Variants in PIAS1 observed in about 807,000 individuals in gnomAD.
The protein encoded by PIAS1 is E3 SUMO-protein ligase PIAS1.
Under a neutral mutation model 71.3 loss-of-function variants are expected in PIAS1, and 6 were observed. The ratio of observed to expected loss-of-function variants is 0.08; its 90% confidence interval spans 0.05 to 0.17. The LOEUF is 0.17. Ranked by LOEUF, PIAS1 falls within the 10% of genes least tolerant of loss-of-function variation. The probability of loss-of-function intolerance (pLI) is 1.00; values close to 1 mark genes in which losing one functional copy is unlikely to be tolerated. For synonymous variants in PIAS1, 303 were observed against 292.9 expected, an observed-to-expected ratio of 1.03 and a Z score of -0.35; for missense variants, 555 against 793.6, an observed-to-expected ratio of 0.70 and a Z score of 3.61.
intron 2 of PIAS1, among the ~76,000 whole-genome samples, chr15:68,093,590 A>G (rs189088883): frequency 7.8e-4 from 119 of 152,336 alleles, no homozygotes; most frequent in African/African-American, 2.8e-3. Context: ...GAATAATTTA[A>G]GTGGTTTATT....
chr15:68,181,484 A>G (rs2093053043), intron 12 of PIAS1, 130 bp downstream of exon 12: 3 of 787,264 alleles, frequency 3.8e-6, no homozygotes. Context: ...CAGGGAACTG[A>G]GAGAAATAAT....
chr15:68,059,984 C>G (rs1185328490), intron 1 of PIAS1, among the ~76,000 whole-genome samples: 1 of 152,104 alleles, frequency 6.6e-6, no homozygotes, highest in South Asian at 2.1e-4. Context: ...TGTTCATTGT[C>G]ATACCTTTAT....
rs549986387 is a variant in PIAS1, at chr15:68,116,762, G to T, written c.470-25184G>T. Among the ~76,000 whole-genome samples, 4 of 151,822 alleles carry T rather than the reference G, an allele frequency of 2.6e-5. No individual in the cohort carries two copies. In the South Asian group the frequency reaches 8.3e-4, roughly 32 times the overall value. On this transcript the variant is annotated intron_variant, in intron 2 of 13. Coordinates refer to ENST00000249636, the MANE Select transcript of PIAS1 (RefSeq NM_016166.3). ...CTGCTTTAGCTGTATCCCACAACTT[G>T]TGATATTTTTTGTTTTCATTTTCAT...
At chr15:68,162,884 C>T in intron 7 of PIAS1, among the ~76,000 whole-genome samples, 1 of 152,152 alleles carries the variant, frequency 6.6e-6, no homozygotes, top group East Asian at 1.9e-4. Flanking sequence ...AAGGGTATCC[C>T]AGCTCAAGGA....
At chr15:68,146,480 A>G (rs2092808969) in intron 5 of PIAS1, 86 bp from the exon 6 acceptor site, 3 of 882,902 alleles carry the variant, frequency 3.4e-6, no homozygotes, top group African/African-American at 3.4e-5. Flanking sequence ...TCTAGTATGC[A>G]GTTTGTAGGG....
At chr15:68,094,970 C>A (rs900217160) in intron 2 of PIAS1, among the ~76,000 whole-genome samples, 3 of 152,096 alleles carry the variant, frequency 2.0e-5, no homozygotes, top group Admixed American at 1.3e-4. Flanking sequence ...CAGAATTCCC[C>A]AAGGCATCCA....
chr15:68,090,806 T>C (rs1169448077), intron 2 of PIAS1, among the ~76,000 whole-genome samples: 1 of 152,152 alleles, frequency 6.6e-6, no homozygotes, highest in African/African-American at 2.4e-5. Flanking sequence ...TAAAAAAAAT[T>C]TTCCCTAATT....
At chr15:68,083,049 G>A (rs16951614) in intron 1 of PIAS1, among the ~76,000 whole-genome samples, 1,621 of 152,240 alleles carry the variant, frequency 0.011, 30 homozygotes, top group African/African-American at 0.035. Context: ...AATTGAGGAC[G>A]TAGAGTCAGC....
intron 6 of PIAS1, among the ~76,000 whole-genome samples, chr15:68,147,057 A>G (rs922781592): frequency 6.6e-6 from 1 of 152,210 alleles, no homozygotes; most frequent in African/African-American, 2.4e-5. Context: ...TGGTATGTCA[A>G]AGAACATTTT....
rs1266233461 is a variant in PIAS1 at position 68,188,656 on chromosome 15, T to C, written c.*821T>C. 3.9e-5 allele frequency: 6 copies of C among 152,246 alleles called. No homozygotes were observed. Among genetic ancestry groups the C allele is most frequent in the African/African-American group, 9.6e-5 (4 of 41,468 alleles). 9.4% of individuals were successfully genotyped at this position (152,246 alleles called of 1,614,324 possible). ...TGTTTTAGAGATATTGGAATAAAGCTGTCTGGGTAAGGAGTAGGCTTAGCC... is the reference window on the plus strand; with the variant it reads ...TGTTTTAGAGATATTGGAATAAAGCCGTCTGGGTAAGGAGTAGGCTTAGCC... On this transcript the variant is annotated 3_prime_UTR_variant, in exon 14 of 14. Transcript: ENST00000249636.
At chr15:68,067,425 A>G (rs2092041280) in intron 1 of PIAS1, among the ~76,000 whole-genome samples, 1 of 34,480 alleles carries the variant, frequency 2.9e-5, no homozygotes, top group African/African-American at 1.0e-4. Flanking sequence ...TGAAATTTCT[A>G]GTTGGTTATT....
At position 68,170,123 on chromosome 15, in the gene PIAS1, A is replaced by G. The variant is rs80038374; in HGVS notation, c.1009-3609A>G. Among the ~76,000 whole-genome samples the G allele has an allele frequency of 1.6e-3, 244 of 152,308 alleles. 4 individuals carry two copies. In the East Asian group the frequency reaches 0.044, roughly 27 times the overall value. ...GCTGTATATTTCCAAGTATGGGAAC[A>G]AGGAAATTAGTCCAACCTGTTTCTA... On this transcript the variant is annotated intron_variant, in intron 8 of 13. Transcript: ENST00000249636.
intron 2 of PIAS1, among the ~76,000 whole-genome samples, chr15:68,102,222 T>A (rs2092432999): frequency 6.6e-6 from 1 of 152,238 alleles, no homozygotes; most frequent in African/African-American, 2.4e-5. Context: ...AAGGCCGTCC[T>A]CCTCCATTGA....
intron 2 of PIAS1, among the ~76,000 whole-genome samples, chr15:68,103,245 T>C (rs2092443034): frequency 6.6e-6 from 1 of 151,452 alleles, no homozygotes; most frequent in Admixed American, 6.6e-5. Flanking sequence ...ATTTTGATCT[T>C]AGGGGGAAAG....
At chr15:68,093,896 C>T (rs1253136339) in intron 2 of PIAS1, among the ~76,000 whole-genome samples, 1 of 152,068 alleles carries the variant, frequency 6.6e-6, no homozygotes, top group Non-Finnish European at 1.5e-5. Context: ...TCTTGGTCCT[C>T]CTAAATTCTG....
chr15:68,093,037 C>G lies in PIAS1; in HGVS notation c.469+6287C>G, dbSNP rs116854129. On this transcript the variant is annotated intron_variant, in intron 2 of 13. Transcript: ENST00000249636. ...CTTTTGATGTTGGTCAAGGCCTTTTCTTTGACAGTGATGACTTCGCAGTTT... is the reference window on the plus strand; with the variant it reads ...CTTTTGATGTTGGTCAAGGCCTTTTGTTTGACAGTGATGACTTCGCAGTTT... Among the ~76,000 whole-genome samples the G allele has an allele frequency of 6.1e-3, 931 of 152,234 alleles. 4 individuals carry two copies. The highest frequency in any genetic ancestry group is 0.032 in the East Asian group (168 of 5,190).
In PIAS1 at chr15:68,189,624, G is replaced by A. The variant is rs927481300; in HGVS notation, c.*1789G>A. On this transcript the variant is annotated 3_prime_UTR_variant, in exon 14 of 14. Coordinates refer to ENST00000249636, the MANE Select transcript of PIAS1 (RefSeq NM_016166.3). ...TGAATTTTGGGAAAAAAAAAAGTTG[G>A]TGTTGATATGTATATGTGTGTGTGT... 4 of 152,216 alleles carry A rather than the reference G, an allele frequency of 2.6e-5. No individual in the cohort carries two copies. The highest frequency in any genetic ancestry group is 2.6e-4 in the Admixed American group (4 of 15,286). 9.4% of individuals were successfully genotyped at this position (152,216 alleles called of 1,614,324 possible). A position where few individuals can be genotyped will look rare whatever the true frequency, so the allele number is the denominator to read the frequency against.
Position 68,054,433 on chromosome 15 carries a change from G to T in PIAS1, c.24+83G>T. ...GCCAGGGGGGATGGGTCCGACCCTG[G>T]GGGGCCTCTCGGGCCTGACTCCACC... On this transcript the variant is annotated intron_variant, in intron 1 of 13. Transcript: ENST00000249636. The surrounding 1 kb of genome is among the most constrained non-coding windows in gnomAD (Gnocchi z 4.6). 1 of 1,448,322 alleles carries T rather than the reference G, an allele frequency of 6.9e-7. No individual in the cohort carries two copies. The highest frequency in any genetic ancestry group is 1.8e-4 in the Middle Eastern group (1 of 5,626). 89.7% of individuals were successfully genotyped at this position (1,448,322 alleles called of 1,614,324 possible).
intron 9 of PIAS1, 84 bp from the exon 10 acceptor site, chr15:68,175,553 G>A: frequency 1.6e-6 from 1 of 637,772 alleles, no homozygotes; most frequent in South Asian, 5.7e-5. Flanking sequence ...GTTAGTACTA[G>A]ATTTTAAGAA....
Sources: gnomAD v4.1 joint callset for allele counts (sites outside exome capture counted in the v4.1 genomes callset) on GRCh38, gnomAD v4.1.1 for gene constraint, Gnocchi (gnomAD v3.1) non-coding constraint, MANE v1.5 for transcripts, NCBI Gene and HGNC (gene_info 2026-07-23, HGNC 2026-07-21) for gene names.